PHTF2: variants seen among roughly 807,000 people sequenced by gnomAD.
The protein encoded by PHTF2 is putative homeodomain transcription factor 2, also known as protein PHTF2.
Under a neutral mutation model 101.2 loss-of-function variants are expected in PHTF2, and 60 were observed. The ratio of observed to expected loss-of-function variants is 0.59; its 90% confidence interval spans 0.48 to 0.73. The LOEUF (loss-of-function observed/expected upper bound fraction) is 0.73. Among genes scored for constraint, PHTF2 ranks in the 30% least tolerant of loss-of-function variants. The pLI, the probability that PHTF2 is intolerant of heterozygous loss-of-function variation, is 0.00. For synonymous variants in PHTF2, 311 were observed against 307.3 expected (o/e 1.01, Z -0.13); for missense variants, 747 against 908.7 (o/e 0.82, Z 2.29).
At chr7:77,954,642 A>ATGTATGTG (rs1806869980) in intron 19 of PHTF2, among the ~76,000 whole-genome samples, 1 of 145,274 alleles carries the variant, frequency 6.9e-6, no homozygotes, top group African/African-American at 2.5e-5. Flanking sequence ...ATATATATAT[A>ATGTATGTG]TATAGCCACT....
chr7:77,906,723 A>G (rs1801890924), intron 7 of PHTF2, among the ~76,000 whole-genome samples: 1 of 152,282 alleles, frequency 6.6e-6, no homozygotes, highest in African/African-American at 2.4e-5. Context: ...AGTTAATGGC[A>G]CGGTGAAACC....
At chr7:77,945,973 G>A (rs558690759) in intron 16 of PHTF2, among the ~76,000 whole-genome samples, 18 of 152,266 alleles carry the variant, frequency 1.2e-4, no homozygotes, top group African/African-American at 3.6e-4. Context: ...CTCATTTTGT[G>A]AGGCTAATAT....
At chr7:77,923,762 G>A (rs1373188385) in intron 11 of PHTF2, 8 of 984,332 alleles carry the variant, frequency 8.1e-6, no homozygotes, top group Admixed American at 6.2e-5. Context: ...GAAGGGAGAC[G>A]GAGGGCTGTT....
At chr7:77,863,016 A>T (rs1489671998) in intron 3 of PHTF2, among the ~76,000 whole-genome samples, 2 of 152,210 alleles carry the variant, frequency 1.3e-5, no homozygotes, top group Admixed American at 6.5e-5. Flanking sequence ...AAAGCTGTAG[A>T]TTCAGCACCA....
chr7:77,856,276 G>A (rs1797174026), intron 3 of PHTF2, among the ~76,000 whole-genome samples: 1 of 152,162 alleles, frequency 6.6e-6, no homozygotes, highest in South Asian at 2.1e-4. Context: ...AGTACAGTCA[G>A]CCCTCCAGGT....
At chr7:77,862,863 A>T (rs1797755434) in intron 3 of PHTF2, among the ~76,000 whole-genome samples, 1 of 152,200 alleles carries the variant, frequency 6.6e-6, no homozygotes, top group Non-Finnish European at 1.5e-5. Context: ...ACCAACTTTG[A>T]AAGGCCTGGG....
chr7:77,955,032 T>C, exon 20 of PHTF2: 2 of 386,650 alleles, frequency 5.2e-6, no homozygotes. Context: ...TATATTTATT[T>C]TACTGGTTCA....
At chr7:77,893,851 T>C (rs1800658372) in intron 4 of PHTF2, 131 bp from the exon 4 acceptor site, 1 of 745,994 alleles carries the variant, frequency 1.3e-6, no homozygotes, top group Non-Finnish European at 2.3e-6. Flanking sequence ...TTTCTTTTTA[T>C]CATCTTTCTG....
chr7:77,929,060 G>T (rs1308885772), intron 11 of PHTF2, 49 bp from the exon 11 acceptor site: 1 of 1,368,758 alleles, frequency 7.3e-7, no homozygotes, highest in East Asian at 2.3e-5. Context: ...CCTTTGAGTT[G>T]GAAAGAGTAC....
intron 3 of PHTF2, among the ~76,000 whole-genome samples, chr7:77,883,630 C>T (rs1399767594): frequency 6.6e-6 from 1 of 152,206 alleles, no homozygotes; most frequent in East Asian, 1.9e-4. Flanking sequence ...TCCATTTTAT[C>T]TATAAACTGT....
rs578155663 is a variant in PHTF2, at chr7:77,877,117, T to C, written c.148-16491T>C. 2.7e-4 allele frequency among the ~76,000 whole-genome samples: 40 copies of C among 146,050 alleles called. 1 individual carries two copies. Among genetic ancestry groups the C allele is most frequent in the South Asian group, 6.6e-4 (3 of 4,544 alleles). On this transcript the variant is annotated intron_variant, in intron 3 of 19. Coordinates refer to ENST00000416283, the Ensembl canonical transcript of PHTF2. ...GTCAGTAATGATCTTTTCTCTCTCT[T>C]TTTTTTTTTTTTTTTTGAGACAGAG...
exon 17 of PHTF2, chr7:77,949,760 T>C: frequency 6.5e-7 from 1 of 1,545,144 alleles, no homozygotes; most frequent in South Asian, 1.2e-5. Flanking sequence ...ACACTTTTTC[T>C]CCTAAGATTT....
At chr7:77,853,645 C>T (rs182701153) in intron 2 of PHTF2, among the ~76,000 whole-genome samples, 30 of 152,216 alleles carry the variant, frequency 2.0e-4, no homozygotes, top group Non-Finnish European at 4.3e-4. Flanking sequence ...TCGCCTACCT[C>T]GGCCTCCCAA....
intron 1 of PHTF2, among the ~76,000 whole-genome samples, chr7:77,831,855 G>T (rs898059431): frequency 3.3e-5 from 5 of 152,122 alleles, no homozygotes; most frequent in African/African-American, 4.8e-5. Context: ...CCAACATTTT[G>T]CAGGATGTGA....
chr7:77,937,242 CAT>C (rs1164268228), intron 12 of PHTF2, among the ~76,000 whole-genome samples: 2 of 152,078 alleles, frequency 1.3e-5, no homozygotes, highest in Non-Finnish European at 2.9e-5. Context: ...TCTCAGCTGT[CAT>C]ATTCTTTTTT....
At chr7:77,829,587 A>G (rs954424458) in intron 1 of PHTF2, among the ~76,000 whole-genome samples, 9 of 152,232 alleles carry the variant, frequency 5.9e-5, no homozygotes, top group Admixed American at 5.2e-4. Context: ...GAACCCTGAA[A>G]CTAGTAGAAG....
At chr7:77,866,526 A>G in intron 3 of PHTF2, among the ~76,000 whole-genome samples, 1 of 151,958 alleles carries the variant, frequency 6.6e-6, no homozygotes, top group African/African-American at 2.4e-5. Context: ...GTGCAGTGGA[A>G]AGGGCATGGA....
intron 3 of PHTF2, among the ~76,000 whole-genome samples, chr7:77,880,004 A>C (rs1799273446): frequency 1.3e-5 from 2 of 152,334 alleles, no homozygotes; most frequent in Non-Finnish European, 2.9e-5. Flanking sequence ...CATATTTATC[A>C]TAGGAAAAGT....
chr7:77,935,923 AC>A (rs1272254466), intron 12 of PHTF2, among the ~76,000 whole-genome samples: 39 of 152,222 alleles, frequency 2.6e-4, no homozygotes, highest in African/African-American at 8.7e-4. Flanking sequence ...AAAGTTTGAT[AC>A]ATATTTTGGT....
Sources: gnomAD v4.1 joint callset for allele counts (sites outside exome capture counted in the v4.1 genomes callset) on GRCh38, gnomAD v4.1.1 for gene constraint, MANE v1.5 for transcripts, NCBI Gene and HGNC (gene_info 2026-07-23, HGNC 2026-07-21) for gene names.